Variants in STEAP3 observed in about 807,000 individuals in gnomAD.
STEAP3 encodes the protein STEAP3 metalloreductase, also known as metalloreductase STEAP3.
In STEAP3, 35 loss-of-function variants were observed where a neutral mutation model predicts 34.9. That is an observed-to-expected ratio of 1.00 (90% CI 0.76 to 1.33). STEAP3 has a LOEUF of 1.33. Among genes scored for constraint, STEAP3 ranks in the 40% most tolerant of loss-of-function variants. The pLI, the probability that STEAP3 is intolerant of heterozygous loss-of-function variation, is 0.00. For synonymous variants in STEAP3, 281 were observed against 301.6 expected (o/e 0.93, Z 0.71); for missense variants, 652 against 667.6 (o/e 0.98, Z 0.26).
chr2:119,229,058 A>G lies in STEAP3; in HGVS notation c.-393-1562A>G, dbSNP rs552117699. On this transcript the variant is annotated intron_variant, in intron 1 of 5. Transcript: ENST00000393110. ...AGTCCTATCCACCCCACACCAACAC[A>G]CTGAAGTAGAGACTCTGGGCCTGGG... Among the ~76,000 whole-genome samples the G allele has an allele frequency of 1.2e-4, 18 of 152,074 alleles. No homozygotes were observed. The South Asian group carries it at 3.7e-3, about 32-fold the overall frequency.
intron 1 of STEAP3, among the ~76,000 whole-genome samples, chr2:119,225,828 A>G (rs2104781708): frequency 6.6e-6 from 1 of 152,356 alleles, no homozygotes; most frequent in Admixed American, 6.5e-5. Context: ...GTTTATTTGC[A>G]AAACCTTGCC....
chr2:119,260,305 C>CT (rs111601276), intron 5 of STEAP3, among the ~76,000 whole-genome samples: 2,029 of 130,380 alleles, frequency 0.016, 44 homozygotes, highest in South Asian at 0.079. Context: ...AAGACTTACT[C>CT]TTTTTTTTTT....
At chr2:119,255,992 C>T (rs545639897) in intron 5 of STEAP3, among the ~76,000 whole-genome samples, 1 of 152,132 alleles carries the variant, frequency 6.6e-6, no homozygotes, top group East Asian at 1.9e-4. Context: ...ACAGAATCTG[C>T]GGTCAGTGTT....
chr2:119,251,481 C>A (rs111401185), intron 4 of STEAP3, among the ~76,000 whole-genome samples: 22 of 152,284 alleles, frequency 1.4e-4, no homozygotes, highest in African/African-American at 5.1e-4. Context: ...CACATTTCAA[C>A]ATCAAACTCA....
intron 2 of STEAP3, chr2:119,244,292 G>T (rs1458002331): frequency 5.5e-5 from 8 of 146,502 alleles, no homozygotes; most frequent in Non-Finnish European, 1.2e-4. Context: ...CACCCAAACT[G>T]GAGTTCAGTG....
At chr2:119,254,912 G>A in intron 5 of STEAP3, 64 bp downstream of exon 5, 1 of 1,562,766 alleles carries the variant, frequency 6.4e-7, no homozygotes, top group Non-Finnish European at 8.7e-7. Context: ...TCATGAGTAA[G>A]TGCTCTGCCT....
chr2:119,237,768 C>T (rs1281329875), intron 2 of STEAP3, among the ~76,000 whole-genome samples: 1 of 152,244 alleles, frequency 6.6e-6, no homozygotes, highest in African/African-American at 2.4e-5. Context: ...CTATGCCTCA[C>T]ATCACCACGC....
intron 2 of STEAP3, among the ~76,000 whole-genome samples, chr2:119,235,359 AGG>A (rs1324057522): frequency 6.6e-6 from 1 of 152,226 alleles, no homozygotes; most frequent in African/African-American, 2.4e-5. Flanking sequence ...CCCCGTGAGC[AGG>A]GAGGACTTTC....
intron 2 of STEAP3, chr2:119,244,799 AC>A (rs1677357636): frequency 6.6e-6 from 1 of 152,216 alleles, no homozygotes; most frequent in Non-Finnish European, 1.5e-5. Flanking sequence ...AAAGAAGATC[AC>A]AGGGCACCCA....
intron 1 of STEAP3, among the ~76,000 whole-genome samples, chr2:119,225,453 T>C (rs838108): frequency 0.34 from 52,313 of 152,132 alleles, 10,088 homozygotes; most frequent in Non-Finnish European, 0.45. Flanking sequence ...ACCTGGGGGT[T>C]GAACAGCCTG....
chr2:119,251,771 G>A (rs1239862244), intron 4 of STEAP3, among the ~76,000 whole-genome samples: 4 of 151,976 alleles, frequency 2.6e-5, no homozygotes, highest in Middle Eastern at 3.2e-3. Flanking sequence ...CTCTAAATGG[G>A]CAGAGCTCAT....
chr2:119,256,739 T>C (rs191888887), intron 5 of STEAP3, among the ~76,000 whole-genome samples: 1 of 152,216 alleles, frequency 6.6e-6, no homozygotes, highest in East Asian at 1.9e-4. Flanking sequence ...CAGATGTCAA[T>C]ATGGAGGAGG....
rs1171770447 is a variant in STEAP3, at chr2:119,247,792, G to A, written c.636G>A (p.Glu212=). The change falls in exon 4 of 6, where the codon GAG becomes GAA. Residue 212 remains glutamate, a synonymous_variant. Coordinates refer to ENST00000393110, the MANE Select transcript of STEAP3 (RefSeq NM_182915.3). ...CCCTGGCGTCAGCCTGGGAGGTGGA[G>A]GCCATGCCCCTGCGCCTCCTCCCGG... ...MGSLASAWEV[E]AMPLRLLPAW... 1.2e-6 allele frequency: 2 copies of A among 1,610,656 alleles called. No homozygotes were observed. Among genetic ancestry groups the A allele is most frequent in the South Asian group, 1.1e-5 (1 of 91,060 alleles).
chr2:119,249,755 T>C (rs543997456), intron 4 of STEAP3, among the ~76,000 whole-genome samples: 3 of 152,338 alleles, frequency 2.0e-5, no homozygotes, highest in East Asian at 3.9e-4. Flanking sequence ...GCTACTCGAC[T>C]GCCCTCGTCC....
chr2:119,245,628 C>T lies in STEAP3; in HGVS notation c.162C>T (p.Ala54=). The T allele has an allele frequency of 6.2e-7, 1 of 1,610,492 alleles. No homozygotes were observed. The part of the protein sequence containing the change: ...LGSGDFARSL[A]TRLVGSGFKV... ...GCGGGGACTTTGCCCGCTCCCTGGC[C>T]ACACGCCTGGTGGGCTCTGGCTTCA... Residue 54 remains alanine (A), a synonymous_variant, in exon 3 of 6, where the codon GCC becomes GCT. Transcript: ENST00000393110.
intron 2 of STEAP3, among the ~76,000 whole-genome samples, chr2:119,240,560 G>A (rs554814461): frequency 1.4e-4 from 22 of 152,370 alleles, no homozygotes; most frequent in Non-Finnish European, 2.4e-4. Context: ...AGTGGCCTGC[G>A]CAAGAGCAGA....
Position 119,263,179 on chromosome 2 carries a change from G to C in STEAP3, c.1338G>C (p.Leu446=). 6.2e-7 allele frequency: 1 copy of C among 1,614,148 alleles called. No homozygotes were observed. The highest frequency in any genetic ancestry group is 8.5e-7 in the Non-Finnish European group (1 of 1,180,036). Residue 446 remains leucine, a synonymous_variant, in exon 6 of 6, where the codon CTG becomes CTC. Coordinates refer to ENST00000393110, the MANE Select transcript of STEAP3 (RefSeq NM_182915.3). ...FYLPPTFTLT[L]LVPCVVILAK... Reference sequence around the variant, plus strand: ...TGCCTCCCACCTTCACGCTCACGCTGCTGGTGCCCTGCGTCGTCATCCTGG... The same window carrying C: ...TGCCTCCCACCTTCACGCTCACGCTCCTGGTGCCCTGCGTCGTCATCCTGG...
chr2:119,229,941 G>T (rs1412659547), intron 1 of STEAP3, among the ~76,000 whole-genome samples: 2 of 152,144 alleles, frequency 1.3e-5, no homozygotes, highest in Admixed American at 6.5e-5. Context: ...TAGAAGAGAG[G>T]AGACCCAGGG....
At chr2:119,243,048 G>A (rs190517945) in intron 2 of STEAP3, among the ~76,000 whole-genome samples, 5 of 152,232 alleles carry the variant, frequency 3.3e-5, no homozygotes, top group Admixed American at 2.0e-4. Context: ...GAGTGTCTTG[G>A]CGGGTGCCTG....
Sources: gnomAD v4.1 joint callset for allele counts (sites outside exome capture counted in the v4.1 genomes callset) on GRCh38, gnomAD v4.1.1 for gene constraint, MANE v1.5 for transcripts, NCBI Gene and HGNC (gene_info 2026-07-23, HGNC 2026-07-21) for gene names.